The following PRKG1 variants were observed in gnomAD, a reference collection of about 807,000 sequenced individuals.
PRKG1 encodes protein kinase cGMP-dependent 1, also known as cGMP-dependent protein kinase 1.
In PRKG1, 35 loss-of-function variants were observed where a neutral mutation model predicts 88.1. The observed-to-expected ratio is 0.40, with a 90% CI of 0.30 to 0.53. The LOEUF (loss-of-function observed/expected upper bound fraction) is 0.53, where lower values mean the gene tolerates loss of function less well. Among genes scored for constraint, PRKG1 ranks in the 20% least tolerant of loss-of-function variants. The pLI is 0.59. For synonymous variants in PRKG1, 303 were observed against 292.5 expected (o/e 1.04, Z -0.37); for missense variants, 540 against 839.8 (o/e 0.64, Z 4.41).
At chr10:51,487,395 C>G (rs1048503964) in intron 3 of PRKG1, among the ~76,000 whole-genome samples, 10 of 151,888 alleles carry the variant, frequency 6.6e-5, no homozygotes, top group African/African-American at 2.4e-4. Flanking sequence ...ATCTTGAAAA[C>G]CAGAATTGTA....
At chr10:52,196,511 C>G (rs1839511212) in intron 9 of PRKG1, among the ~76,000 whole-genome samples, 1 of 152,098 alleles carries the variant, frequency 6.6e-6, no homozygotes, top group South Asian at 2.1e-4. Context: ...ATTAGAAAAG[C>G]AAGGCTCACC....
intron 8 of PRKG1, among the ~76,000 whole-genome samples, chr10:52,153,815 G>A (rs1466046392): frequency 6.6e-6 from 1 of 152,024 alleles, no homozygotes; most frequent in East Asian, 1.9e-4. Flanking sequence ...GCATGATCTC[G>A]GCTCACTGCA....
intron 3 of PRKG1, among the ~76,000 whole-genome samples, chr10:51,730,367 C>T (rs915088787): frequency 1.3e-5 from 2 of 152,136 alleles, no homozygotes; most frequent in Non-Finnish European, 2.9e-5. Context: ...ACATGAATGA[C>T]AATTGAAAAT....
intron 3 of PRKG1, among the ~76,000 whole-genome samples, chr10:51,592,674 G>A (rs1244499814): frequency 2.0e-5 from 3 of 152,116 alleles, no homozygotes; most frequent in Non-Finnish European, 4.4e-5. Flanking sequence ...TTGAGTTTTA[G>A]TCTAAATATA....
chr10:52,047,019 A>T (rs1845877566), intron 5 of PRKG1: 1 of 152,178 alleles, frequency 6.6e-6, no homozygotes, highest in African/African-American at 2.4e-5. Flanking sequence ...GCGCTTAAAT[A>T]GAAAATCTCT....
intron 3 of PRKG1, among the ~76,000 whole-genome samples, chr10:51,476,187 G>A (rs1840188312): frequency 6.6e-6 from 1 of 152,000 alleles, no homozygotes; most frequent in Admixed American, 6.6e-5. Context: ...AGAAGGAAAT[G>A]GGAAGTTCCT....
chr10:52,204,756 A>G (rs537204871), intron 9 of PRKG1, among the ~76,000 whole-genome samples: 128 of 152,140 alleles, frequency 8.4e-4, no homozygotes, highest in Non-Finnish European at 1.4e-3. Context: ...GCAAATTGTG[A>G]TAAACTGCAC....
chr10:51,757,171 A>C (rs566733020), intron 3 of PRKG1, among the ~76,000 whole-genome samples: 2 of 152,098 alleles, frequency 1.3e-5, no homozygotes, highest in South Asian at 4.2e-4. Flanking sequence ...GCACAGTCTC[A>C]GCTCACTGCA....
chr10:51,557,148 C>T (rs2132140995), intron 3 of PRKG1, among the ~76,000 whole-genome samples: 2 of 152,056 alleles, frequency 1.3e-5, no homozygotes, highest in South Asian at 4.2e-4. Context: ...CCTTTTCCCT[C>T]TCATTGTGGT....
At chr10:51,613,506 A>G (rs533917724) in intron 3 of PRKG1, among the ~76,000 whole-genome samples, 4 of 151,478 alleles carry the variant, frequency 2.6e-5, no homozygotes, top group South Asian at 2.1e-4. Flanking sequence ...TTTAGTCCCT[A>G]TTTCACTTAG....
intron 5 of PRKG1, among the ~76,000 whole-genome samples, chr10:52,012,752 AT>A (rs1271329744): frequency 1.3e-5 from 2 of 152,154 alleles, no homozygotes; most frequent in Non-Finnish European, 2.9e-5. Flanking sequence ...ATTAGTAATA[AT>A]AATATTATTA....
At chr10:52,017,386 A>C (rs1279628040) in intron 5 of PRKG1, among the ~76,000 whole-genome samples, 1 of 152,112 alleles carries the variant, frequency 6.6e-6, no homozygotes, top group African/African-American at 2.4e-5. Flanking sequence ...TATGATGAGG[A>C]GTGGTTGGAT....
At chr10:51,503,981 G>A (rs1564525766) in intron 3 of PRKG1, among the ~76,000 whole-genome samples, 1 of 152,078 alleles carries the variant, frequency 6.6e-6, no homozygotes. Context: ...ATTCACTGTT[G>A]TTTGATTACC....
At chr10:51,187,151 A>G (rs1384592569) in intron 2 of PRKG1, among the ~76,000 whole-genome samples, 1 of 151,686 alleles carries the variant, frequency 6.6e-6, no homozygotes, top group Non-Finnish European at 1.5e-5. Context: ...AGAAATCTTG[A>G]TAATCTTGGC....
chr10:51,944,745 T>C (rs915413641), intron 5 of PRKG1, among the ~76,000 whole-genome samples: 2 of 152,098 alleles, frequency 1.3e-5, no homozygotes, highest in African/African-American at 4.8e-5. Flanking sequence ...GTTGTTCAGT[T>C]TCCATGTAGT....
intron 2 of PRKG1, among the ~76,000 whole-genome samples, chr10:51,255,199 T>TAAAC (rs1486882844): frequency 6.6e-6 from 1 of 152,158 alleles, no homozygotes; most frequent in East Asian, 1.9e-4. Context: ...TTTCTACATA[T>TAAAC]GTTTTGACTA....
Position 51,970,001 on chromosome 10 carries a change from T to TACAC in PRKG1, c.762+62478_762+62481dup, listed in dbSNP as rs35117709. 5.1e-3 allele frequency among the ~76,000 whole-genome samples: 742 copies of TACAC among 144,558 alleles called. 9 individuals are homozygous for TACAC. The highest frequency in any genetic ancestry group is 0.014 in the African/African-American group (529 of 38,586). 94.8% of individuals were successfully genotyped at this position (144,558 alleles called of 152,430 possible). Reference sequence around the variant, plus strand: ...TTGCTTTATTTGCCCATTCTCTTCATACACACACACACACACACACACACA... The same window carrying TACAC: ...TTGCTTTATTTGCCCATTCTCTTCATACACACACACACACACACACACACACACA... On this transcript the variant is annotated intron_variant, in intron 5 of 17. Transcript: ENST00000373980.
At chr10:51,487,886 T>C (rs1353337200) in intron 3 of PRKG1, among the ~76,000 whole-genome samples, 2 of 152,200 alleles carry the variant, frequency 1.3e-5, no homozygotes, top group East Asian at 1.9e-4. Context: ...GTTTGGAGAC[T>C]GTAGAGAGAT....
At chr10:51,968,820 C>CAAAA (rs56810665) in intron 5 of PRKG1, among the ~76,000 whole-genome samples, 1 of 105,458 alleles carries the variant, frequency 9.5e-6, no homozygotes, top group Non-Finnish European at 2.2e-5. Flanking sequence ...AAAACTCCAT[C>CAAAA]AAAAAAAAAA....
Sources: allele counts gnomAD v4.1 joint callset (sites outside exome capture counted in the v4.1 genomes callset), GRCh38; gene constraint gnomAD v4.1.1; transcripts MANE v1.5; gene names NCBI Gene and HGNC (gene_info 2026-07-23, HGNC 2026-07-21).